Variants in TRPM5 observed in about 807,000 individuals in gnomAD.
TRPM5 encodes transient receptor potential cation channel subfamily M member 5, also known as MLSN1 and TRP-related.
A neutral mutation model predicts 124.9 loss-of-function variants in TRPM5; 121 were observed. That is an observed-to-expected ratio of 0.97 (90% CI 0.84 to 1.13). The LOEUF (loss-of-function observed/expected upper bound fraction) is 1.13, where lower values mean the gene tolerates loss of function less well. Ranked by LOEUF, TRPM5 falls within the 50% of genes most tolerant of loss-of-function variation. The pLI is 0.00. For missense variants in TRPM5, 1,643 were observed against 1,589.1 expected (o/e 1.03, Z -0.58); for synonymous variants, 781 against 700.5 (o/e 1.11, Z -1.81).
chr11:2,423,141 C>T, upstream of TRPM5: 1 of 889,652 alleles, frequency 1.1e-6, no homozygotes, highest in Non-Finnish European at 1.7e-6. Flanking sequence ...CCTGGGAAGC[C>T]CCTCTCCAGC....
intron 2 of TRPM5, 83 bp from the exon 8 acceptor site, chr11:2,421,281 A>C (rs1845769185): frequency 1.4e-6 from 2 of 1,429,728 alleles, no homozygotes; most frequent in Admixed American, 2.9e-5. Context: ...CCTAGGCCCA[A>C]TCAGCAGCCA....
the TRPM5 span, among the ~76,000 whole-genome samples, chr11:2,431,697 C>T: frequency 5.8e-3 from 877 of 152,158 alleles, 41 homozygotes; most frequent in Admixed American, 0.055. Context: ...CTCCTGCTGG[C>T]CCCCTCTTCC....
At chr11:2,413,397 C>T (rs557121593) in intron 13 of TRPM5, 79 bp downstream of exon 18, 155 of 1,403,404 alleles carry the variant, frequency 1.1e-4, no homozygotes, top group South Asian at 2.6e-4. Flanking sequence ...CCAGCACCTG[C>T]GAGGCCCAGG....
chr11:2,433,601 G>A, the TRPM5 span, among the ~76,000 whole-genome samples: 1 of 152,372 alleles, frequency 6.6e-6, no homozygotes, highest in East Asian at 1.9e-4. Context: ...GATCCTGTCT[G>A]GAAATGGGGA....
chr11:2,436,067 C>T, the TRPM5 span, among the ~76,000 whole-genome samples: 1 of 152,264 alleles, frequency 6.6e-6, no homozygotes, highest in Non-Finnish European at 1.5e-5. Flanking sequence ...TTCCGCTCCC[C>T]TGACCTCCCC....
rs183649463 is a variant in TRPM5, at chr11:2,409,815, G to A, written c.2782+1537C>T. On this transcript the variant is annotated intron_variant, in intron 18 of 23. Transcript: ENST00000155858. The stretch of plus-strand genomic sequence containing the variant: ...GGCCCTGTTGCAGGCGTTTCAGCAC[G>A]GGGCTCTGAGATCCCCGCAGCACCG... 1.3e-3 allele frequency among the ~76,000 whole-genome samples: 196 copies of A among 152,324 alleles called. 2 individuals are homozygous for A. The highest frequency in any genetic ancestry group is 0.01 in the Admixed American group (160 of 15,302).
chr11:2,418,129 G>A (rs1845712160), intron 6 of TRPM5, 38 bp downstream of exon 11: 1 of 1,486,510 alleles, frequency 6.7e-7, no homozygotes, highest in Admixed American at 2.0e-5. Context: ...CACCCCCGGA[G>A]GAGGGGTCGG....
chr11:2,414,072 C>T (rs369564566), exon 12 of TRPM5: 30 of 1,575,490 alleles, frequency 1.9e-5, no homozygotes, highest in African/African-American at 6.7e-5. Context: ...TGAACGCCGT[C>T]GTGGGCAAAG....
At chr11:2,407,246 G>C in exon 20 of TRPM5, 1 of 1,612,470 alleles carries the variant, frequency 6.2e-7, no homozygotes, top group Non-Finnish European at 8.5e-7. Flanking sequence ...TCAGGTTGTA[G>C]CGCTGGAACT....
At chr11:2,420,928 C>T (rs1845763740) in intron 3 of TRPM5, 104 bp downstream of exon 8, 10 of 1,289,100 alleles carry the variant, frequency 7.8e-6, no homozygotes, top group Non-Finnish European at 1.0e-5. Context: ...GCTCTTCCTC[C>T]AGCTCGAGTC....
exon 16 of TRPM5, chr11:2,412,176 G>A (rs772350307): frequency 1.2e-6 from 2 of 1,613,570 alleles, no homozygotes; most frequent in Non-Finnish European, 1.7e-6. Context: ...TGGCCACCAT[G>A]TCACACTTGT....
the TRPM5 span, among the ~76,000 whole-genome samples, chr11:2,440,164 A>G: frequency 4.6e-5 from 7 of 152,210 alleles, no homozygotes; most frequent in Admixed American, 4.6e-4. This position sits in a 1 kb window ranked among gnomAD's most constrained non-coding sequence, Gnocchi z 5.2. Context: ...GAGGGACAAC[A>G]ATAGACACTG....
the TRPM5 span, among the ~76,000 whole-genome samples, chr11:2,437,212 C>G: frequency 2.6e-5 from 4 of 152,254 alleles, no homozygotes; most frequent in Non-Finnish European, 5.9e-5. This position sits in a 1 kb window ranked among gnomAD's most constrained non-coding sequence, Gnocchi z 5.6. Context: ...GGCAGACACA[C>G]ATACAGCCTC....
At chr11:2,434,430 A>G in the TRPM5 span, among the ~76,000 whole-genome samples, 3 of 132,772 alleles carry the variant, frequency 2.3e-5, no homozygotes, top group African/African-American at 8.7e-5. Flanking sequence ...GTGTGCGGAC[A>G]CTGTGTGTCC....
At chr11:2,414,634 C>A in intron 11 of TRPM5, 81 bp downstream of exon 16, 1 of 1,437,912 alleles carries the variant, frequency 7.0e-7, no homozygotes, top group Non-Finnish European at 9.1e-7. Context: ...GCAGCCCTGG[C>A]GAGGCCCAGG....
At chr11:2,439,175 C>T in the TRPM5 span, among the ~76,000 whole-genome samples, 1 of 152,174 alleles carries the variant, frequency 6.6e-6, no homozygotes, top group Admixed American at 6.5e-5. Context: ...GCACAAGTGA[C>T]ACAAGATGGA....
At chr11:2,405,677 TGCCAGG>T in intron 22 of TRPM5, 84 bp from the exon 28 acceptor site, 1 of 1,435,812 alleles carries the variant, frequency 7.0e-7, no homozygotes, top group South Asian at 1.2e-5. Flanking sequence ...TCCCCTCTCC[TGCCAGG>T]GCCCCCGCTG....
At chr11:2,414,009 G>GCCCCCCCCCCCCCCCCCCCCC in intron 12 of TRPM5, 52 bp downstream of exon 17, 9 of 1,023,722 alleles carry the variant, frequency 8.8e-6, no homozygotes, top group South Asian at 1.5e-5. Flanking sequence ...GGCCCAGCTC[G>GCCCCCCCCCCCCCCCCCCCCC]CCCGCCCACC....
the TRPM5 span, among the ~76,000 whole-genome samples, chr11:2,430,969 T>C: frequency 6.6e-6 from 1 of 152,090 alleles, no homozygotes; most frequent in Non-Finnish European, 1.5e-5. Flanking sequence ...ATGGTAGTGA[T>C]GACAGGGATG....
Sources: allele counts gnomAD v4.1 joint callset (sites outside exome capture counted in the v4.1 genomes callset), GRCh38; gene constraint gnomAD v4.1.1; non-coding constraint Gnocchi (gnomAD v3.1); transcripts MANE v1.5; gene names NCBI Gene and HGNC (gene_info 2026-07-23, HGNC 2026-07-21).